Variants in ZNF131 observed in about 807,000 individuals in gnomAD.
ZNF131 encodes the protein zinc finger protein 131.
A neutral mutation model predicts 60.0 loss-of-function variants in ZNF131; 7 were observed. That is an observed-to-expected ratio of 0.12 (90% confidence interval 0.07 to 0.22). The LOEUF (loss-of-function observed/expected upper bound fraction) is 0.22, where lower values mean the gene tolerates loss of function less well. Among genes scored for constraint, ZNF131 ranks in the 10% least tolerant of loss-of-function variants. ZNF131 has a pLI of 1.00. For synonymous variants in ZNF131, 257 were observed against 253.2 expected (o/e 1.01, Z -0.14); for missense variants, 493 against 740.9 (o/e 0.67, Z 3.88).
chr5:43,125,727 G>T (rs1744458432), intron 3 of ZNF131, among the ~76,000 whole-genome samples: 2 of 151,870 alleles, frequency 1.3e-5, no homozygotes, highest in African/African-American at 4.8e-5. Flanking sequence ...GTTGTAGCGA[G>T]CTGAGTCACG....
chr5:43,128,148 T>C (rs1372719398), intron 3 of ZNF131, among the ~76,000 whole-genome samples: 1 of 152,214 alleles, frequency 6.6e-6, no homozygotes, highest in Admixed American at 6.5e-5. Flanking sequence ...TTAGATACTC[T>C]CTTAGAAAAG....
chr5:43,142,784 C>T (rs1456385848), intron 4 of ZNF131, among the ~76,000 whole-genome samples: 4 of 151,892 alleles, frequency 2.6e-5, no homozygotes, highest in Non-Finnish European at 2.9e-5. Flanking sequence ...TTCAACTTCC[C>T]GGCCTCAAGA....
In ZNF131 at chr5:43,123,295, T is replaced by G; in HGVS notation, c.211T>G (p.Leu71Val). 1 of 1,606,294 alleles carries G rather than the reference T, an allele frequency of 6.2e-7. No homozygotes were observed. Among genetic ancestry groups the G allele is most frequent in the Non-Finnish European group, 8.5e-7 (1 of 1,177,966 alleles). ...CTTTCAGGAGTTTACCCAAGAACCA[T>G]TGGTGGAGATAGAAGGTAAATGATT... Reference protein sequence around the residue: ...KFFQEFTQEPLVEIEGVSKMA... With the variant: ...KFFQEFTQEPVVEIEGVSKMA... Residue 71 changes from leucine to valine, a missense_variant, in exon 3 of 7, where the codon TTG becomes GTG. Leu to Val is a conservative substitution (Grantham distance 32, BLOSUM62 1). This residue lies in a region of ZNF131 where 66 missense variants were observed against 148.0 expected (regional missense o/e 0.45). Transcript: ENST00000682664.
intron 4 of ZNF131, among the ~76,000 whole-genome samples, chr5:43,153,504 G>C (rs1579834115): frequency 6.7e-6 from 1 of 149,068 alleles, no homozygotes; most frequent in East Asian, 2.0e-4. Flanking sequence ...AATTAGCTGG[G>C]CCTGGTGGCA....
At chr5:43,138,680 T>A (rs1368312395) in intron 3 of ZNF131, among the ~76,000 whole-genome samples, 1 of 152,100 alleles carries the variant, frequency 6.6e-6, no homozygotes, top group Admixed American at 6.6e-5. Context: ...AGTCAGCTAT[T>A]AGAAAGTGCA....
intron 4 of ZNF131, among the ~76,000 whole-genome samples, chr5:43,144,886 T>C (rs945682899): frequency 1.3e-5 from 2 of 151,870 alleles, no homozygotes; most frequent in Non-Finnish European, 2.9e-5. Flanking sequence ...ATTTTACTCA[T>C]CTTTCTGGTC....
At chr5:43,143,350 G>A (rs1747110817) in intron 4 of ZNF131, 43 of 1,312,640 alleles carry the variant, frequency 3.3e-5, no homozygotes, top group Non-Finnish European at 4.2e-5. Flanking sequence ...CAGTGATCCA[G>A]GATGGATTTT....
intron 3 of ZNF131, among the ~76,000 whole-genome samples, chr5:43,138,515 G>T (rs1291128046): frequency 6.6e-6 from 1 of 152,196 alleles, no homozygotes; most frequent in Non-Finnish European, 1.5e-5. Flanking sequence ...AGCCAGGCGT[G>T]GTGGTACATG....
intron 5 of ZNF131, among the ~76,000 whole-genome samples, chr5:43,167,223 A>G (rs1383455674): frequency 6.6e-6 from 1 of 152,214 alleles, no homozygotes; most frequent in African/African-American, 2.4e-5. Context: ...GACATAATTT[A>G]AAAATTTAAA....
chr5:43,140,947 A>T (rs1746744431), intron 4 of ZNF131, among the ~76,000 whole-genome samples: 2 of 152,038 alleles, frequency 1.3e-5, no homozygotes, highest in African/African-American at 4.8e-5. Context: ...TCAAACTCCC[A>T]ACCTTAAGTG....
intron 3 of ZNF131, among the ~76,000 whole-genome samples, chr5:43,127,689 A>C (rs977179468): frequency 1.3e-5 from 2 of 152,238 alleles, no homozygotes; most frequent in African/African-American, 4.8e-5. Flanking sequence ...GTTACCTTTG[A>C]TGAAAACCAC....
At chr5:43,171,495 A>T (rs1026416652) in intron 5 of ZNF131, among the ~76,000 whole-genome samples, 1 of 152,128 alleles carries the variant, frequency 6.6e-6, no homozygotes, top group Non-Finnish European at 1.5e-5. Context: ...TAACATGGTG[A>T]AACTCTGAGC....
chr5:43,137,275 G>A (rs895058469), intron 3 of ZNF131, among the ~76,000 whole-genome samples: 2 of 152,030 alleles, frequency 1.3e-5, no homozygotes, highest in Non-Finnish European at 2.9e-5. Context: ...GAAATCTAAG[G>A]AATGGGAGAA....
chr5:43,152,938 T>C (rs1203965037), intron 4 of ZNF131, among the ~76,000 whole-genome samples: 4 of 152,156 alleles, frequency 2.6e-5, no homozygotes, highest in Non-Finnish European at 5.9e-5. Flanking sequence ...CTCCCTGCCC[T>C]ATATCTTCTG....
At chr5:43,133,351 G>C (rs1228222472) in intron 3 of ZNF131, among the ~76,000 whole-genome samples, 6 of 152,148 alleles carry the variant, frequency 3.9e-5, no homozygotes. Context: ...TGTAATCTCA[G>C]CTACTCGGGA....
intron 4 of ZNF131, among the ~76,000 whole-genome samples, chr5:43,140,024 T>G (rs1746601538): frequency 6.6e-6 from 1 of 152,136 alleles, no homozygotes; most frequent in African/African-American, 2.4e-5. Flanking sequence ...ACAAACAGCC[T>G]GGGCAACATG....
chr5:43,171,840 G>A lies in ZNF131; in HGVS notation c.1055-1478G>A, dbSNP rs914424501. On this transcript the variant is annotated intron_variant, in intron 5 of 6. Transcript: ENST00000682664. The stretch of plus-strand genomic sequence containing the variant: ...TCGCAGTGTTGGCCAGGCTGGTCTT[G>A]AACTCCTGACCTCAAGTGATCCACC... Among the ~76,000 whole-genome samples the A allele has an allele frequency of 2.6e-5, 4 of 151,992 alleles. No individual in the cohort carries two copies. In the East Asian group the frequency reaches 7.8e-4, roughly 30 times the overall value.
chr5:43,145,367 T>C (rs1343077712), intron 4 of ZNF131, among the ~76,000 whole-genome samples: 1 of 152,048 alleles, frequency 6.6e-6, no homozygotes, highest in Non-Finnish European at 1.5e-5. Context: ...AGAAGTAGTT[T>C]ACGGCCTGGG....
chr5:43,124,458 A>G (rs1307457428), intron 3 of ZNF131: 2 of 152,214 alleles, frequency 1.3e-5, no homozygotes, highest in African/African-American at 4.8e-5. Context: ...AAAACAAAAA[A>G]GAGTTAAGAA....
Sources: allele counts gnomAD v4.1 joint callset (sites outside exome capture counted in the v4.1 genomes callset), GRCh38; gene constraint gnomAD v4.1.1; regional missense constraint gnomAD v4.1.1; transcripts MANE v1.5; gene names NCBI Gene and HGNC (gene_info 2026-07-23, HGNC 2026-07-21).